TMEM132C: variants seen among roughly 807,000 people sequenced by gnomAD.
TMEM132C encodes the protein protein phosphatase 1, regulatory subunit 152.
In TMEM132C, 29 loss-of-function variants were observed where a neutral mutation model predicts 61.4. The ratio of observed to expected loss-of-function variants is 0.47; its 90% CI spans 0.35 to 0.64. The LOEUF is 0.64. TMEM132C is among the 30% of genes least tolerant of loss of function. TMEM132C has a pLI of 0.00. For synonymous variants in TMEM132C, 656 were observed against 633.1 expected (o/e 1.04, Z -0.54); for missense variants, 1,408 against 1,476.9 (o/e 0.95, Z 0.76).
At chr12:128,479,675 A>C (rs1418140283) in intron 2 of TMEM132C, among the ~76,000 whole-genome samples, 2 of 152,178 alleles carry the variant, frequency 1.3e-5, no homozygotes, top group Non-Finnish European at 2.9e-5. Context: ...ACCATTTACT[A>C]TCTGGCGCTT....
chr12:128,356,110 C>G (rs144414526), intron 1 of TMEM132C, among the ~76,000 whole-genome samples: 286 of 152,312 alleles, frequency 1.9e-3, no homozygotes, highest in Non-Finnish European at 2.8e-3. Context: ...AATGAATTAC[C>G]CTTGAACACC....
chr12:128,523,729 A>T (rs1171953016), intron 2 of TMEM132C, among the ~76,000 whole-genome samples: 3 of 147,746 alleles, frequency 2.0e-5, no homozygotes, highest in Non-Finnish European at 4.5e-5. Context: ...GCCTGGCATG[A>T]TGGCTCACAT....
intron 1 of TMEM132C, among the ~76,000 whole-genome samples, chr12:128,298,831 C>T (rs753075389): frequency 9.2e-5 from 14 of 152,328 alleles, no homozygotes; most frequent in Middle Eastern, 3.4e-3. Flanking sequence ...TGGTAGAGCA[C>T]CTTGTACCTG....
intron 3 of TMEM132C, among the ~76,000 whole-genome samples, chr12:128,592,706 G>C (rs1875798720): frequency 6.6e-6 from 1 of 152,246 alleles, no homozygotes. Context: ...CTTAGGGGAT[G>C]GGGAGAGAAG....
intron 4 of TMEM132C, among the ~76,000 whole-genome samples, chr12:128,660,047 CAG>C (rs1566006020): frequency 6.6e-6 from 1 of 152,230 alleles, no homozygotes; most frequent in African/African-American, 2.4e-5. Context: ...AGGGTGAGAA[CAG>C]AGTCTCCCTC....
At chr12:128,667,902 C>T (rs1954494402) in intron 4 of TMEM132C, among the ~76,000 whole-genome samples, 1 of 152,274 alleles carries the variant, frequency 6.6e-6, no homozygotes, top group Admixed American at 6.5e-5. Context: ...AATCAAAGTC[C>T]CCATTGACTA....
At chr12:128,662,860 C>T (rs1370498062) in intron 4 of TMEM132C, among the ~76,000 whole-genome samples, 1 of 152,130 alleles carries the variant, frequency 6.6e-6, no homozygotes, top group Non-Finnish European at 1.5e-5. Flanking sequence ...TTCTCCAGAC[C>T]CTCATGAAAT....
chr12:128,665,061 ACT>A (rs879729421), intron 4 of TMEM132C, among the ~76,000 whole-genome samples: 19 of 150,658 alleles, frequency 1.3e-4, no homozygotes, highest in Non-Finnish European at 2.5e-4. Flanking sequence ...ACACATAAGC[ACT>A]CTCACATACA....
intron 4 of TMEM132C, among the ~76,000 whole-genome samples, chr12:128,643,859 G>C (rs1436065087): frequency 6.6e-6 from 1 of 151,908 alleles, no homozygotes; most frequent in Non-Finnish European, 1.5e-5. Context: ...CCAACATAAA[G>C]ATTAAGTATG....
intron 3 of TMEM132C, among the ~76,000 whole-genome samples, chr12:128,566,739 T>C (rs1874718863): frequency 6.6e-6 from 1 of 152,224 alleles, no homozygotes; most frequent in Non-Finnish European, 1.5e-5. Flanking sequence ...TAGTTCGTAC[T>C]GTATGGTGCC....
intron 3 of TMEM132C, among the ~76,000 whole-genome samples, chr12:128,604,606 TAGATAGATAAAAAATGGATGGA>T (rs1175892312): frequency 6.6e-6 from 1 of 151,608 alleles, no homozygotes; most frequent in Non-Finnish European, 1.5e-5. Flanking sequence ...GATAGATGGC[TAGATAGATAAAAAATGGATGGA>T]AGATAGATAA....
chr12:128,301,804 G>A (rs1272285434), intron 1 of TMEM132C, among the ~76,000 whole-genome samples: 1 of 152,122 alleles, frequency 6.6e-6, no homozygotes, highest in Non-Finnish European at 1.5e-5. Context: ...GCTGAGACTG[G>A]GTAATTTATA....
chr12:128,405,013 T>G (rs1875292202), intron 1 of TMEM132C, among the ~76,000 whole-genome samples: 1 of 127,278 alleles, frequency 7.9e-6, no homozygotes. Context: ...CAGGTGCAGC[T>G]GTCACCTGCT....
intron 1 of TMEM132C, among the ~76,000 whole-genome samples, chr12:128,357,131 C>G (rs931055633): frequency 2.6e-5 from 4 of 152,126 alleles, no homozygotes; most frequent in African/African-American, 9.7e-5. Flanking sequence ...GCCCACGTGT[C>G]CAATTTGAAT....
chr12:128,676,136 A>G (rs1312310616), intron 5 of TMEM132C, among the ~76,000 whole-genome samples: 2 of 152,188 alleles, frequency 1.3e-5, no homozygotes, highest in African/African-American at 4.8e-5. Flanking sequence ...ACAAGATCCA[A>G]TCCAGGCTCA....
At chr12:128,364,551 C>T (rs963732271) in intron 1 of TMEM132C, among the ~76,000 whole-genome samples, 2 of 152,172 alleles carry the variant, frequency 1.3e-5, no homozygotes, top group African/African-American at 4.8e-5. Context: ...CCTTTTCTTC[C>T]AAAGTGGCTC....
intron 1 of TMEM132C, among the ~76,000 whole-genome samples, chr12:128,337,667 G>C (rs943647484): frequency 1.3e-5 from 2 of 152,150 alleles, no homozygotes; most frequent in East Asian, 1.9e-4. Context: ...TGGGAGGTTC[G>C]TCCCCTTGCT....
At chr12:128,538,867 G>A (rs902753193) in intron 2 of TMEM132C, among the ~76,000 whole-genome samples, 3 of 152,012 alleles carry the variant, frequency 2.0e-5, no homozygotes, top group Admixed American at 1.3e-4. Flanking sequence ...AATATTCAGT[G>A]TTTAAAATAT....
intron 2 of TMEM132C, among the ~76,000 whole-genome samples, chr12:128,420,915 C>T (rs368902542): frequency 5.1e-4 from 78 of 152,002 alleles, no homozygotes; most frequent in Non-Finnish European, 9.6e-4. Context: ...ATTCAAGAAG[C>T]GAATAATATA....
Sources: gnomAD v4.1 joint callset for allele counts (sites outside exome capture counted in the v4.1 genomes callset) on GRCh38, gnomAD v4.1.1 for gene constraint, MANE v1.5 for transcripts, NCBI Gene and HGNC (gene_info 2026-07-23, HGNC 2026-07-21) for gene names.